MYCT1: variants seen among roughly 807,000 people sequenced by gnomAD.
MYCT1 encodes myc target protein 1.
MYCT1 carries 12 observed loss-of-function variants against 15.0 expected under a neutral mutation model. That is an observed-to-expected ratio of 0.80 (90% CI 0.51 to 1.29). The LOEUF is 1.29. MYCT1 is among the 50% of genes most tolerant of loss of function. MYCT1 has a pLI of 0.00. For missense variants in MYCT1, 287 were observed against 279.1 expected, an observed-to-expected ratio of 1.03 and a Z score of -0.20; for synonymous variants, 104 against 102.7, an observed-to-expected ratio of 1.01 and a Z score of -0.07.
the MYCT1 span, among the ~76,000 whole-genome samples, chr6:152,735,289 C>G: frequency 3.9e-5 from 6 of 151,946 alleles, no homozygotes; most frequent in African/African-American, 1.5e-4. Flanking sequence ...AATAGATAAA[C>G]TTTTTGGTAA....
chr6:152,698,091 C>T lies in MYCT1; in HGVS notation c.189C>T (p.Asn63=). 1 of 1,548,560 alleles carries T rather than the reference C, an allele frequency of 6.5e-7. No homozygotes were observed. Among genetic ancestry groups the T allele is most frequent in the Non-Finnish European group, 8.7e-7 (1 of 1,155,146 alleles). Residue 63 remains asparagine, a synonymous_variant, in exon 1 of 2, where the codon AAC becomes AAT. Transcript: ENST00000367245. ...TTSLGSPWPE[N]FWEDLIMSFT... The stretch of plus-strand genomic sequence containing the variant: ...GTTTAGGGAGTCCATGGCCAGAAAA[C>T]TTTTGGGGTAAGGTATTTTCTTTTA...
chr6:152,716,504 C>T (rs1423687893), intron 1 of MYCT1, among the ~76,000 whole-genome samples: 2 of 152,152 alleles, frequency 1.3e-5, no homozygotes, highest in Non-Finnish European at 2.9e-5. Context: ...CTCAAGGCCA[C>T]TAGATGGTGA....
chr6:152,733,475 A>G, the MYCT1 span, among the ~76,000 whole-genome samples: 3 of 152,218 alleles, frequency 2.0e-5, no homozygotes, highest in East Asian at 1.9e-4. Flanking sequence ...TCAGGCAGCT[A>G]CAAAATCAAA....
chr6:152,727,733 C>A (rs980169180), downstream of MYCT1, among the ~76,000 whole-genome samples: 7 of 152,180 alleles, frequency 4.6e-5, no homozygotes, highest in African/African-American at 1.2e-4. Context: ...CTGCCAGTGA[C>A]AAATCCCTGC....
chr6:152,738,462 AG>A, the MYCT1 span, among the ~76,000 whole-genome samples: 3 of 152,076 alleles, frequency 2.0e-5, no homozygotes, highest in African/African-American at 7.2e-5. Context: ...ACAAGTTCCT[AG>A]GTTTTCACTA....
chr6:152,744,469 G>A, the MYCT1 span, among the ~76,000 whole-genome samples: 11 of 152,130 alleles, frequency 7.2e-5, no homozygotes, highest in Non-Finnish European at 1.3e-4. Context: ...ATTGAGGAGA[G>A]TTTAATAAAG....
At chr6:152,727,758 A>C (rs947684479), downstream of MYCT1, among the ~76,000 whole-genome samples, 1 of 152,122 alleles carries the variant, frequency 6.6e-6, no homozygotes, top group Non-Finnish European at 1.5e-5. Flanking sequence ...AATGGCTGTC[A>C]CTCTGACACT....
downstream of MYCT1, among the ~76,000 whole-genome samples, chr6:152,729,231 G>A (rs1355993584): frequency 6.6e-6 from 1 of 152,094 alleles, no homozygotes; most frequent in Non-Finnish European, 1.5e-5. Flanking sequence ...TGCTAGGCGC[G>A]AATGTTCTTT....
At chr6:152,746,264 C>T in the MYCT1 span, among the ~76,000 whole-genome samples, 1 of 152,160 alleles carries the variant, frequency 6.6e-6, no homozygotes, top group Non-Finnish European at 1.5e-5. Context: ...CCCAACACCC[C>T]GGCAGACGCC....
the MYCT1 span, among the ~76,000 whole-genome samples, chr6:152,730,996 AAAT>A: frequency 6.6e-5 from 10 of 152,326 alleles, no homozygotes; most frequent in South Asian, 6.2e-4. Flanking sequence ...TAGAAACAGA[AAAT>A]AATAATGAAA....
chr6:152,720,946 G>A (rs1033203006), intron 1 of MYCT1, among the ~76,000 whole-genome samples: 1 of 152,176 alleles, frequency 6.6e-6, no homozygotes, highest in Non-Finnish European at 1.5e-5. Flanking sequence ...TTAGGAAAAG[G>A]CATTTTTCTC....
the MYCT1 span, among the ~76,000 whole-genome samples, chr6:152,741,105 GA>G: frequency 7.6e-4 from 116 of 151,870 alleles, no homozygotes; most frequent in East Asian, 0.02. Context: ...ACAGAACAAA[GA>G]AAAAAAATCC....
At chr6:152,718,699 G>A (rs1455033719) in intron 1 of MYCT1, among the ~76,000 whole-genome samples, 2 of 151,676 alleles carry the variant, frequency 1.3e-5, no homozygotes, top group Non-Finnish European at 2.9e-5. Flanking sequence ...AGGCTCAAAG[G>A]GCGTACACAG....
chr6:152,702,215 A>G (rs146222118), intron 1 of MYCT1, among the ~76,000 whole-genome samples: 3 of 152,212 alleles, frequency 2.0e-5, no homozygotes, highest in African/African-American at 7.2e-5. Flanking sequence ...ATTGACTCAT[A>G]GGCCATGGTT....
intron 1 of MYCT1, among the ~76,000 whole-genome samples, chr6:152,716,612 C>A (rs1318397736): frequency 6.6e-6 from 1 of 152,080 alleles, no homozygotes; most frequent in East Asian, 1.9e-4. Context: ...TTGGAAGACA[C>A]GAACGTGGCT....
chr6:152,718,665 A>G (rs2099724168), intron 1 of MYCT1, among the ~76,000 whole-genome samples: 1 of 152,150 alleles, frequency 6.6e-6, no homozygotes, highest in African/African-American at 2.4e-5. Flanking sequence ...TATATTGGGA[A>G]TATCTGATTT....
intron 1 of MYCT1, among the ~76,000 whole-genome samples, chr6:152,699,133 A>G (rs1359614104): frequency 6.6e-6 from 1 of 152,102 alleles, no homozygotes; most frequent in East Asian, 1.9e-4. Flanking sequence ...GGTTTTGGGA[A>G]CTTTCACATA....
Position 152,721,969 on chromosome 6 carries a change from C to T in MYCT1, c.424C>T (p.Leu142Phe). Residue 142 changes from leucine to phenylalanine, a missense_variant, in exon 2 of 2, where the codon CTC (leucine) becomes TTC (phenylalanine). Transcript: ENST00000367245. ...ERRSNLSLASLTFQRQASLEQ... is the reference protein window; with the variant it reads ...ERRSNLSLASFTFQRQASLEQ... ...TCGAAGCAACCTCAGCCTGGCCAGT[C>T]TCACCTTCCAGCGACAAGCTTCCCT... 6.2e-7 allele frequency: 1 copy of T among 1,614,186 alleles called. No homozygotes were observed. Among genetic ancestry groups the T allele is most frequent in the Non-Finnish European group, 8.5e-7 (1 of 1,180,034 alleles).
intron 1 of MYCT1, among the ~76,000 whole-genome samples, chr6:152,699,595 G>A (rs1583961032): frequency 6.6e-6 from 1 of 152,058 alleles, no homozygotes; most frequent in East Asian, 1.9e-4. Flanking sequence ...AATGCACACT[G>A]AAAAAGAGCT....
Sources: gnomAD v4.1 joint callset for allele counts (sites outside exome capture counted in the v4.1 genomes callset) on GRCh38, gnomAD v4.1.1 for gene constraint, MANE v1.5 for transcripts, NCBI Gene and HGNC (gene_info 2026-07-23, HGNC 2026-07-21) for gene names.